ZHX2: variants seen among roughly 807,000 people sequenced by gnomAD.
The protein encoded by ZHX2 is zinc fingers and homeoboxes 2.
ZHX2 carries 6 observed loss-of-function variants against 21.9 expected under a neutral mutation model. The observed-to-expected ratio is 0.27, with a 90% CI of 0.15 to 0.54. The LOEUF (loss-of-function observed/expected upper bound fraction) is 0.54, where lower values mean the gene tolerates loss of function less well. Ranked by LOEUF, ZHX2 falls within the 20% of genes least tolerant of loss-of-function variation. The pLI is 0.95. For missense variants in ZHX2, 908 were observed against 1,090.7 expected (o/e 0.83, Z 2.36); for synonymous variants, 434 against 437.1 (o/e 0.99, Z 0.09).
At chr8:122,789,607 C>T (rs1037098019) in intron 1 of ZHX2, among the ~76,000 whole-genome samples, 6 of 152,102 alleles carry the variant, frequency 3.9e-5, no homozygotes, top group African/African-American at 1.4e-4. Context: ...CCAGCACTGG[C>T]GGTGATGGGG....
At chr8:122,920,046 G>A (rs1586389012) in intron 2 of ZHX2, among the ~76,000 whole-genome samples, 1 of 152,320 alleles carries the variant, frequency 6.6e-6, no homozygotes, top group South Asian at 2.1e-4. Flanking sequence ...GGCTGAGGCA[G>A]GCGGGTCATC....
At chr8:122,954,875 A>AT (rs1352453555) in intron 3 of ZHX2, among the ~76,000 whole-genome samples, 3 of 148,470 alleles carry the variant, frequency 2.0e-5, no homozygotes, top group African/African-American at 7.5e-5. Flanking sequence ...TTCTTTTTGG[A>AT]TTTTTTAAGA....
chr8:122,831,514 A>C (rs893865270), intron 1 of ZHX2, among the ~76,000 whole-genome samples: 6 of 152,158 alleles, frequency 3.9e-5, no homozygotes, highest in African/African-American at 1.4e-4. Flanking sequence ...CTTGCTTTTG[A>C]AGGTTTTGGG....
intron 2 of ZHX2, among the ~76,000 whole-genome samples, chr8:122,927,425 G>A (rs957952438): frequency 3.9e-5 from 6 of 152,174 alleles, no homozygotes; most frequent in African/African-American, 1.4e-4. Context: ...AACCCGGGAG[G>A]CAGAGGTTGC....
intron 1 of ZHX2, among the ~76,000 whole-genome samples, chr8:122,825,467 T>C (rs1818243344): frequency 6.6e-6 from 1 of 152,192 alleles, no homozygotes; most frequent in African/African-American, 2.4e-5. Flanking sequence ...ATCCCTGTTC[T>C]TGTTCAATGA....
intron 1 of ZHX2, among the ~76,000 whole-genome samples, chr8:122,836,114 A>ACGT (rs760958352): frequency 6.6e-6 from 1 of 152,206 alleles, no homozygotes; most frequent in Non-Finnish European, 1.5e-5. Context: ...AGCAATTGTC[A>ACGT]CTGCTGCCAT....
chr8:122,903,345 T>G (rs1376825663), intron 2 of ZHX2, among the ~76,000 whole-genome samples: 2 of 152,228 alleles, frequency 1.3e-5, no homozygotes, highest in Non-Finnish European at 2.9e-5. Flanking sequence ...TGCTCCTGTA[T>G]GCTGTGAGAC....
intron 2 of ZHX2, among the ~76,000 whole-genome samples, chr8:122,894,484 A>G (rs1225603746): frequency 2.6e-5 from 4 of 152,164 alleles, no homozygotes; most frequent in East Asian, 1.9e-4. Flanking sequence ...TTATGAGTTC[A>G]TGTCCTTTGT....
At chr8:122,899,354 C>T (rs1260706488) in intron 2 of ZHX2, among the ~76,000 whole-genome samples, 3 of 152,172 alleles carry the variant, frequency 2.0e-5, no homozygotes, top group African/African-American at 4.8e-5. Flanking sequence ...CACTCCTACT[C>T]AGTCAGAGCA....
chr8:122,935,536 CTTT>C (rs397795298), intron 2 of ZHX2, among the ~76,000 whole-genome samples: 3 of 133,920 alleles, frequency 2.2e-5, no homozygotes, highest in Admixed American at 7.7e-5. Context: ...TTGAGAGTAA[CTTT>C]TTTTTTTTTT....
intron 3 of ZHX2, among the ~76,000 whole-genome samples, chr8:122,965,033 G>GC (rs1813546755): frequency 8.2e-6 from 1 of 121,840 alleles, no homozygotes; most frequent in Non-Finnish European, 1.9e-5. Context: ...TCTCTCTTCT[G>GC]TTTTTTTTTT....
chr8:122,786,811 T>C (rs1268138678), intron 1 of ZHX2, among the ~76,000 whole-genome samples: 1 of 151,850 alleles, frequency 6.6e-6, no homozygotes, highest in Non-Finnish European at 1.5e-5. Flanking sequence ...TGAGGTACCG[T>C]AATGTGCTGT....
intron 1 of ZHX2, among the ~76,000 whole-genome samples, chr8:122,809,425 G>A (rs1310076418): frequency 1.3e-5 from 2 of 152,088 alleles, no homozygotes; most frequent in East Asian, 3.9e-4. Flanking sequence ...GCTTGAACCT[G>A]GGAGGCGGAG....
In ZHX2 at chr8:122,834,440, T is replaced by C. The variant is rs147910792; in HGVS notation, c.-282-29037T>C. The stretch of plus-strand genomic sequence containing the variant: ...GCATTGTCTGGACCTGTGACCTTCA[T>C]TGCCGCACTTGAAACAGGCGCCAGG... On this transcript the variant is annotated intron_variant, in intron 1 of 3. Transcript: ENST00000314393. Among the ~76,000 whole-genome samples, 994 of 152,334 alleles carry C rather than the reference T, an allele frequency of 6.5e-3. 6 individuals are homozygous for C. Among genetic ancestry groups the C allele is most frequent in the Middle Eastern group, 0.014 (4 of 294 alleles).
intron 3 of ZHX2, among the ~76,000 whole-genome samples, chr8:122,959,562 T>G (rs1162740926): frequency 6.6e-6 from 1 of 152,246 alleles, no homozygotes; most frequent in African/African-American, 2.4e-5. Context: ...AACGGTTTAT[T>G]GAACGAACCA....
At chr8:122,926,672 C>A (rs542429017) in intron 2 of ZHX2, among the ~76,000 whole-genome samples, 1 of 152,304 alleles carries the variant, frequency 6.6e-6, no homozygotes, top group East Asian at 1.9e-4. Context: ...GCATAGGCAT[C>A]AGCAGGGGCC....
At chr8:122,948,374 C>G (rs935142136) in intron 2 of ZHX2, among the ~76,000 whole-genome samples, 1 of 152,126 alleles carries the variant, frequency 6.6e-6, no homozygotes, top group African/African-American at 2.4e-5. Flanking sequence ...GCTCTCTATT[C>G]TCGGTTCTGG....
At chr8:122,846,528 C>G in intron 1 of ZHX2, among the ~76,000 whole-genome samples, 1 of 148,576 alleles carries the variant, frequency 6.7e-6, no homozygotes. Flanking sequence ...GTCCTACCTT[C>G]TAATGTTTCA....
At chr8:122,955,073 G>T (rs1232958041) in intron 3 of ZHX2, among the ~76,000 whole-genome samples, 2 of 142,790 alleles carry the variant, frequency 1.4e-5, no homozygotes, top group South Asian at 2.4e-4. Context: ...ATAAGCCGGG[G>T]GGGGGGGGGT....
Sources: allele counts gnomAD v4.1 joint callset (sites outside exome capture counted in the v4.1 genomes callset), GRCh38; gene constraint gnomAD v4.1.1; transcripts MANE v1.5; gene names NCBI Gene and HGNC (gene_info 2026-07-23, HGNC 2026-07-21).